The following PACS1 variants were observed in gnomAD, a reference collection of about 807,000 sequenced individuals.
PACS1 encodes the protein phosphofurin acidic cluster sorting protein 1.
In PACS1, 24 loss-of-function variants were observed where a neutral mutation model predicts 115.0. The ratio of observed to expected loss-of-function variants is 0.21; its 90% CI spans 0.15 to 0.29. The LOEUF (loss-of-function observed/expected upper bound fraction) is 0.29, where lower values mean the gene tolerates loss of function less well. PACS1 is among the 10% of genes least tolerant of loss of function. PACS1 has a pLI of 1.00. For synonymous variants in PACS1, 453 were observed against 504.5 expected, an observed-to-expected ratio of 0.90 and a Z score of 1.37; for missense variants, 838 against 1,251.2, an observed-to-expected ratio of 0.67 and a Z score of 4.98.
chr11:66,174,977 C>A (rs1590797480), intron 1 of PACS1, among the ~76,000 whole-genome samples: 1 of 152,072 alleles, frequency 6.6e-6, no homozygotes, highest in Non-Finnish European at 1.5e-5. Flanking sequence ...ATGGTGAAAT[C>A]CTGTCTCTAC....
rs1487944098 is a variant in PACS1, at chr11:66,132,857, G to A, written c.357-60629G>A. Among the ~76,000 whole-genome samples the A allele has an allele frequency of 5.9e-5, 9 of 152,220 alleles. 1 individual carries two copies. Among genetic ancestry groups the A allele is most frequent in the Admixed American group, 3.3e-4 (5 of 15,288 alleles). ...CTAATTTTGTATTTTTAGTAGAGAC[G>A]GAGTTTCACCATGTTGGCCAGGCTG... On this transcript the variant is annotated intron_variant, in intron 1 of 23. Transcript: ENST00000320580.
intron 1 of PACS1, among the ~76,000 whole-genome samples, chr11:66,107,751 T>C (rs1229292958): frequency 6.6e-6 from 1 of 152,200 alleles, no homozygotes; most frequent in African/African-American, 2.4e-5. Flanking sequence ...TGAGATAGGC[T>C]GGAGAGTTCA....
chr11:66,118,769 C>CAAAAAAAAAAAAAAAAAAAAAAA (rs397945291), intron 1 of PACS1, among the ~76,000 whole-genome samples: 1 of 83,612 alleles, frequency 1.2e-5, no homozygotes, highest in Non-Finnish European at 2.2e-5. Context: ...CCCATGTCTA[C>CAAAAAAAAAAAAAAAAAAAAAAA]AAAAAAAAAA....
At chr11:66,203,293 A>G (rs1240271307) in intron 2 of PACS1, among the ~76,000 whole-genome samples, 4 of 152,216 alleles carry the variant, frequency 2.6e-5, no homozygotes, top group Non-Finnish European at 4.4e-5. Flanking sequence ...AAACTTAACC[A>G]AAGAAGTGAA....
intron 1 of PACS1, among the ~76,000 whole-genome samples, chr11:66,168,340 G>A (rs1859655161): frequency 6.6e-6 from 1 of 150,614 alleles, no homozygotes; most frequent in African/African-American, 2.5e-5. Context: ...GCATGAACAT[G>A]GCATCTCTTT....
chr11:66,233,768 C>A lies in PACS1; in HGVS notation c.1839-17C>A. On this transcript the variant is annotated splice_polypyrimidine_tract_variant and intron_variant, in intron 15 of 23. Coordinates refer to ENST00000320580, the MANE Select transcript of PACS1 (RefSeq NM_018026.4). The surrounding 1 kb of genome is among the most constrained non-coding windows in gnomAD (Gnocchi z 4.5). ...GGCACCCCTGAGCACTGCTATGACG[C>A]TCCCCTTCCTCCCCAGCTGCAACTG... is the stretch of plus-strand genomic sequence containing the variant. The A allele has an allele frequency of 1.2e-6, 2 of 1,610,876 alleles. No homozygotes were observed. The highest frequency in any genetic ancestry group is 1.7e-6 in the Non-Finnish European group (2 of 1,178,334).
chr11:66,151,815 A>G (rs1859248089), intron 1 of PACS1, among the ~76,000 whole-genome samples: 1 of 152,216 alleles, frequency 6.6e-6, no homozygotes, highest in South Asian at 2.1e-4. Context: ...CAGACTGCAA[A>G]GCCACTGTGC....
Position 66,182,940 on chromosome 11 carries a change from G to A in PACS1, c.357-10546G>A, listed in dbSNP as rs552342926. On this transcript the variant is annotated intron_variant, in intron 1 of 23. Coordinates refer to ENST00000320580, the MANE Select transcript of PACS1 (RefSeq NM_018026.4). ...TGAACTGGAGTTTGAGACCAGCCTG[G>A]GCAACATGGTGAAACCTCGTCTCTA... Among the ~76,000 whole-genome samples, 93 of 152,222 alleles carry A rather than the reference G, an allele frequency of 6.1e-4. 2 individuals carry two copies. In the South Asian group the frequency reaches 0.019, roughly 31 times the overall value.
intron 1 of PACS1, among the ~76,000 whole-genome samples, chr11:66,133,004 C>T (rs1304146502): frequency 1.3e-5 from 2 of 152,132 alleles, no homozygotes; most frequent in Non-Finnish European, 2.9e-5. Context: ...GATATGGAAC[C>T]TGTGGGTACA....
intron 1 of PACS1, among the ~76,000 whole-genome samples, chr11:66,109,424 G>A (rs1427607070): frequency 6.6e-6 from 1 of 152,172 alleles, no homozygotes. Context: ...AAAAGAGAAG[G>A]TCGCATATGG....
chr11:66,175,546 TTTC>T lies in PACS1; in HGVS notation c.357-17937_357-17935del, dbSNP rs144873385. Among the ~76,000 whole-genome samples the T allele has an allele frequency of 3.2e-3, 484 of 152,354 alleles. 11 individuals carry two copies. The highest frequency in any genetic ancestry group is 0.025 in the Admixed American group (388 of 15,302). Reference sequence around the variant, plus strand: ...ACTTCTCTGTTTTCTAGGTCTAACTTTTCTTTTACACTTTCACTGTCACTTTGC... The same window carrying T: ...ACTTCTCTGTTTTCTAGGTCTAACTTTTTTACACTTTCACTGTCACTTTGC... On this transcript the variant is annotated intron_variant, in intron 1 of 23. Transcript: ENST00000320580.
chr11:66,139,489 C>G (rs77074943), intron 1 of PACS1, among the ~76,000 whole-genome samples: 148 of 152,040 alleles, frequency 9.7e-4, no homozygotes, highest in African/African-American at 3.3e-3. Flanking sequence ...CATCCACCCC[C>G]CTAACCCCAC....
chr11:66,091,046 T>G (rs376806891), intron 1 of PACS1, among the ~76,000 whole-genome samples: 1 of 152,232 alleles, frequency 6.6e-6, no homozygotes, highest in Non-Finnish European at 1.5e-5. Context: ...GCATTACATT[T>G]AGCATACAGA....
rs886081706 is a variant in PACS1, at chr11:66,145,201, G to A, written c.357-48285G>A. 5.3e-5 allele frequency among the ~76,000 whole-genome samples: 8 copies of A among 152,284 alleles called. No homozygotes were observed. The South Asian group carries it at 1.7e-3, about 32-fold the overall frequency. On this transcript the variant is annotated intron_variant, in intron 1 of 23. Transcript: ENST00000320580. ...GAGAAGCATTTATCCAAGAGAAACT[G>A]CCAAACTTCAGGTAAGAACAATGGG...
At chr11:66,131,254 G>A (rs937676401) in intron 1 of PACS1, among the ~76,000 whole-genome samples, 1 of 152,150 alleles carries the variant, frequency 6.6e-6, no homozygotes, top group African/African-American at 2.4e-5. Flanking sequence ...ACTACTAAGT[G>A]CAGTCCTTAG....
At chr11:66,120,200 T>G (rs1858407631) in intron 1 of PACS1, among the ~76,000 whole-genome samples, 1 of 143,444 alleles carries the variant, frequency 7.0e-6, no homozygotes, top group Non-Finnish European at 1.5e-5. Context: ...CAGGCTGGAG[T>G]GCAGTGGCAC....
At chr11:66,166,078 TAAAC>T (rs1859594048) in intron 1 of PACS1, among the ~76,000 whole-genome samples, 1 of 152,206 alleles carries the variant, frequency 6.6e-6, no homozygotes, top group African/African-American at 2.4e-5. Flanking sequence ...CTTTCCATCA[TAAAC>T]AAAATAAAGG....
At chr11:66,195,162 T>A (rs1465209772) in intron 2 of PACS1, among the ~76,000 whole-genome samples, 1 of 152,134 alleles carries the variant, frequency 6.6e-6, no homozygotes, top group Non-Finnish European at 1.5e-5. Flanking sequence ...TGCAGTGAGC[T>A]GAGATTGTGC....
chr11:66,200,415 A>G (rs973725056), intron 2 of PACS1, among the ~76,000 whole-genome samples: 5 of 152,170 alleles, frequency 3.3e-5, no homozygotes, highest in African/African-American at 1.2e-4. Context: ...CTTGACCTGT[A>G]AAGACACATA....
Sources: allele counts gnomAD v4.1 joint callset (sites outside exome capture counted in the v4.1 genomes callset), GRCh38; gene constraint gnomAD v4.1.1; non-coding constraint Gnocchi (gnomAD v3.1); transcripts MANE v1.5; gene names NCBI Gene and HGNC (gene_info 2026-07-23, HGNC 2026-07-21).